Variants in NELL1 observed in about 807,000 individuals in gnomAD.
NELL1 encodes protein kinase C-binding protein NELL1.
In NELL1, 76 loss-of-function variants were observed where a neutral mutation model predicts 107.4. The ratio of observed to expected loss-of-function variants is 0.71; its 90% confidence interval spans 0.59 to 0.86. The LOEUF (loss-of-function observed/expected upper bound fraction) is 0.86. NELL1 is among the 40% of genes least tolerant of loss of function. NELL1 has a pLI of 0.00. For missense variants in NELL1, 1,024 were observed against 1,005.5 expected (o/e 1.02, Z -0.25); for synonymous variants, 353 against 341.2 (o/e 1.03, Z -0.38).
chr11:20,732,917 T>A (rs1855680865), intron 2 of NELL1, among the ~76,000 whole-genome samples: 1 of 152,162 alleles, frequency 6.6e-6, no homozygotes, highest in South Asian at 2.1e-4. Context: ...GGTGATACAG[T>A]GGGGAACACA....
At chr11:21,505,254 C>T (rs527447402) in intron 15 of NELL1, among the ~76,000 whole-genome samples, 1 of 152,262 alleles carries the variant, frequency 6.6e-6, no homozygotes, top group East Asian at 1.9e-4. Flanking sequence ...AGTAATCCTA[C>T]CTATAAGAGT....
At chr11:21,489,404 A>AAAAAAAAAAAAC (rs1554922049) in intron 15 of NELL1, among the ~76,000 whole-genome samples, 7 of 137,270 alleles carry the variant, frequency 5.1e-5, no homozygotes, top group African/African-American at 1.8e-4. Flanking sequence ...AAAAAAAAAA[A>AAAAAAAAAAAAC]AAAACAGAAG....
Position 21,343,028 on chromosome 11 carries a change from T to A in NELL1, c.1550-27825T>A, listed in dbSNP as rs10833511. Reference sequence around the variant, plus strand: ...AACCACAGCCTAGGCCCCAGAGACCTGTCGCTTGGACTATTCAACTGCCTC... The same window carrying A: ...AACCACAGCCTAGGCCCCAGAGACCAGTCGCTTGGACTATTCAACTGCCTC... On this transcript the variant is annotated intron_variant, in intron 14 of 19. Coordinates refer to ENST00000357134, the MANE Select transcript of NELL1 (RefSeq NM_006157.5). 2.0e-5 allele frequency among the ~76,000 whole-genome samples: 3 copies of A among 152,170 alleles called. No homozygotes were observed. The South Asian group carries it at 6.2e-4, about 32-fold the overall frequency.
intron 2 of NELL1, among the ~76,000 whole-genome samples, chr11:20,712,524 G>A (rs965789869): frequency 6.6e-5 from 10 of 152,190 alleles, no homozygotes; most frequent in African/African-American, 2.4e-4. Flanking sequence ...GGGAGCTAGT[G>A]TGATCTTTTG....
chr11:20,991,635 A>T (rs1851973798), intron 12 of NELL1, among the ~76,000 whole-genome samples: 1 of 152,038 alleles, frequency 6.6e-6, no homozygotes, highest in African/African-American at 2.4e-5. Flanking sequence ...GCACATTGGG[A>T]CGTGCCTCGG....
chr11:21,117,428 TTTG>T (rs1855264018), intron 13 of NELL1, among the ~76,000 whole-genome samples: 1 of 152,000 alleles, frequency 6.6e-6, no homozygotes. Flanking sequence ...TCAATAAACA[TTTG>T]TTGAATGAAA....
intron 14 of NELL1, among the ~76,000 whole-genome samples, chr11:21,359,175 G>A (rs1851014626): frequency 6.6e-6 from 1 of 152,066 alleles, no homozygotes; most frequent in South Asian, 2.1e-4. Flanking sequence ...TTTGCTGAAG[G>A]TTTTAATCAT....
At chr11:20,741,591 G>A (rs1458429998) in intron 2 of NELL1, among the ~76,000 whole-genome samples, 8 of 152,072 alleles carry the variant, frequency 5.3e-5, no homozygotes, top group African/African-American at 1.7e-4. Context: ...TTTCATCTCT[G>A]TGAATAATCC....
intron 12 of NELL1, among the ~76,000 whole-genome samples, chr11:21,078,954 T>C (rs532836689): frequency 6.6e-6 from 1 of 152,076 alleles, no homozygotes; most frequent in East Asian, 1.9e-4. Flanking sequence ...TAATTAAGTA[T>C]AAATGGTTTA....
At chr11:21,081,828 C>T (rs1854276908) in intron 12 of NELL1, among the ~76,000 whole-genome samples, 1 of 152,154 alleles carries the variant, frequency 6.6e-6, no homozygotes, top group Non-Finnish European at 1.5e-5. Flanking sequence ...CATGTGAATA[C>T]TAACTGTGTG....
chr11:21,215,715 G>C (rs936773051), intron 13 of NELL1, among the ~76,000 whole-genome samples: 1 of 152,182 alleles, frequency 6.6e-6, no homozygotes, highest in Non-Finnish European at 1.5e-5. Flanking sequence ...CTCTGCCCTA[G>C]AGATCTTTGG....
chr11:21,063,967 G>T lies in NELL1; in HGVS notation c.1301-49622G>T, dbSNP rs150296688. Among the ~76,000 whole-genome samples, 294 of 152,310 alleles carry T rather than the reference G, an allele frequency of 1.9e-3. 3 individuals carry two copies. The South Asian group carries it at 0.021, about 11-fold the overall frequency. On this transcript the variant is annotated intron_variant, in intron 12 of 19. Transcript: ENST00000357134. ...GTTGTAATTTGTAATACACTGTTCA[G>T]TGTAGATCTTCTAGGAGAGTGGCAC...
At chr11:20,979,236 G>C (rs1851700662) in intron 12 of NELL1, among the ~76,000 whole-genome samples, 3 of 152,082 alleles carry the variant, frequency 2.0e-5, no homozygotes, top group African/African-American at 7.2e-5. Context: ...TAATAAATCT[G>C]TGACTTTTTT....
chr11:20,745,370 G>C (rs561176146), intron 2 of NELL1, among the ~76,000 whole-genome samples: 18 of 152,190 alleles, frequency 1.2e-4, no homozygotes, highest in South Asian at 1.0e-3. Context: ...GATAATTATG[G>C]AGCTTATTAA....
chr11:20,817,185 T>C lies in NELL1; in HGVS notation c.336-30398T>C, dbSNP rs1264871631. Among the ~76,000 whole-genome samples the C allele has an allele frequency of 3.3e-5, 5 of 152,272 alleles. No individual in the cohort carries two copies. In the East Asian group the frequency reaches 9.7e-4, roughly 29 times the overall value. ...AGTTAGGGAGGAGTCCTTCCTACTC[T>C]AGTTTTTGGAATAGTTTCAGTAGAA... On this transcript the variant is annotated intron_variant, in intron 3 of 19. Coordinates refer to ENST00000357134, the MANE Select transcript of NELL1 (RefSeq NM_006157.5).
chr11:21,147,181 T>C (rs1856000435), intron 13 of NELL1, among the ~76,000 whole-genome samples: 1 of 152,194 alleles, frequency 6.6e-6, no homozygotes, highest in African/African-American at 2.4e-5. Flanking sequence ...GGGGATTTAA[T>C]AGCTGTTATT....
chr11:21,039,125 C>T (rs981352600), intron 12 of NELL1, among the ~76,000 whole-genome samples: 2 of 151,900 alleles, frequency 1.3e-5, no homozygotes, highest in Admixed American at 1.3e-4. Flanking sequence ...TTTGAAGGAG[C>T]TATGTTTAAG....
intron 4 of NELL1, among the ~76,000 whole-genome samples, chr11:20,857,781 AAGCCCTAC>A (rs752802660): frequency 1.3e-5 from 2 of 152,174 alleles, no homozygotes; most frequent in Non-Finnish European, 2.9e-5. Context: ...CAGCAGACAC[AAGCCCTAC>A]GGGTAGTTAG....
intron 12 of NELL1, among the ~76,000 whole-genome samples, chr11:20,972,036 G>A (rs1013321138): frequency 2.8e-5 from 4 of 144,762 alleles, no homozygotes; most frequent in South Asian, 2.1e-4. Flanking sequence ...GGAGCGGGGT[G>A]GGGGGCAAGG....
Sources: allele counts gnomAD v4.1 joint callset (sites outside exome capture counted in the v4.1 genomes callset), GRCh38; gene constraint gnomAD v4.1.1; transcripts MANE v1.5; gene names NCBI Gene and HGNC (gene_info 2026-07-23, HGNC 2026-07-21).